PIK3AP1: variants seen among roughly 807,000 people sequenced by gnomAD.
The protein encoded by PIK3AP1 is phosphoinositide-3-kinase adaptor protein 1.
Under a neutral mutation model 88.1 loss-of-function variants are expected in PIK3AP1, and 21 were observed. The ratio of observed to expected loss-of-function variants is 0.24; its 90% CI spans 0.17 to 0.34. PIK3AP1 has a LOEUF of 0.34. PIK3AP1 is among the 10% of genes least tolerant of loss of function. The pLI is 1.00. For synonymous variants in PIK3AP1, 398 were observed against 400.0 expected (o/e 1.00, Z 0.06); for missense variants, 828 against 1,035.7 (o/e 0.80, Z 2.75).
At chr10:96,608,731 C>T (rs1189071247) in intron 14 of PIK3AP1, among the ~76,000 whole-genome samples, 1 of 152,188 alleles carries the variant, frequency 6.6e-6, no homozygotes, top group Non-Finnish European at 1.5e-5. Context: ...AAGTATGTAT[C>T]AGATTCTCAA....
At chr10:96,693,968 G>T (rs1436056608) in intron 2 of PIK3AP1, among the ~76,000 whole-genome samples, 1 of 152,072 alleles carries the variant, frequency 6.6e-6, no homozygotes, top group East Asian at 1.9e-4. Flanking sequence ...AGTTAACCTG[G>T]GCTCTAGGAT....
intron 13 of PIK3AP1, among the ~76,000 whole-genome samples, chr10:96,616,363 C>G (rs992892596): frequency 6.6e-6 from 1 of 152,200 alleles, no homozygotes; most frequent in African/African-American, 2.4e-5. Flanking sequence ...TATCACCATC[C>G]TATTTGAGTG....
chr10:96,708,644 T>C (rs1486215521), intron 2 of PIK3AP1, among the ~76,000 whole-genome samples: 3 of 149,856 alleles, frequency 2.0e-5, no homozygotes, highest in African/African-American at 4.9e-5. Context: ...GTGATATGTG[T>C]CCATCCCAGA....
At chr10:96,595,851 A>G (rs1318731653) in intron 16 of PIK3AP1, among the ~76,000 whole-genome samples, 1 of 152,150 alleles carries the variant, frequency 6.6e-6, no homozygotes, top group Non-Finnish European at 1.5e-5. Context: ...AAAAATACCA[A>G]TTCCAAGGAT....
In PIK3AP1 at chr10:96,651,793, C is replaced by A. The variant is rs536656661; in HGVS notation, c.713-142G>T. On this transcript the variant is annotated intron_variant, in intron 4 of 16. Transcript: ENST00000339364. ...GAAAGATCTTGGAGGTGAGCTGGGG[C>A]GGGAGTGAGGGAAAGGGTGGAGGTA... 9.1e-6 allele frequency: 9 copies of A among 990,202 alleles called. No homozygotes were observed. The African/African-American group carries it at 1.1e-4, about 13-fold the overall frequency. 61.3% of individuals were successfully genotyped at this position (990,202 alleles called of 1,614,324 possible).
intron 14 of PIK3AP1, among the ~76,000 whole-genome samples, chr10:96,609,037 T>C (rs1488204803): frequency 1.3e-5 from 2 of 152,246 alleles, no homozygotes; most frequent in Non-Finnish European, 2.9e-5. Context: ...CTGTATTGTC[T>C]GTGCAATCAG....
intron 13 of PIK3AP1, among the ~76,000 whole-genome samples, chr10:96,611,424 C>T (rs936539297): frequency 1.3e-5 from 2 of 152,028 alleles, no homozygotes; most frequent in African/African-American, 2.4e-5. Context: ...AGAGACCAAA[C>T]GAGTGTCAGT....
intron 8 of PIK3AP1, among the ~76,000 whole-genome samples, chr10:96,634,809 G>A (rs1230414598): frequency 1.3e-5 from 2 of 152,146 alleles, no homozygotes; most frequent in Admixed American, 6.5e-5. Flanking sequence ...GTCTGAAATA[G>A]GTCTCACTGG....
chr10:96,644,220 T>A (rs977623426), intron 8 of PIK3AP1, among the ~76,000 whole-genome samples: 1 of 152,236 alleles, frequency 6.6e-6, no homozygotes, highest in Non-Finnish European at 1.5e-5. Context: ...GACATCCTGC[T>A]ATGTGTGGGA....
At position 96,652,723 on chromosome 10, in the gene PIK3AP1, C is replaced by T. The variant is rs369307312; in HGVS notation, c.687G>A (p.Glu229=). The part of the protein sequence containing the change: ...SVRMEAKVEN[E]YTISVKAPNL... ...TGGGAGCCTTCACTGAAATGGTGTA[C>T]TCATTCTCCACCTTGGCTTCCATCC... is the stretch of plus-strand genomic sequence containing the variant. Residue 229 remains glutamate, a synonymous_variant, in exon 4 of 17, where the codon GAG becomes GAA. Transcript: ENST00000339364. 6.2e-7 allele frequency: 1 copy of T among 1,614,156 alleles called. No individual in the cohort carries two copies. The highest frequency in any genetic ancestry group is 8.5e-7 in the Non-Finnish European group (1 of 1,180,000).
At chr10:96,676,775 A>G (rs1364264039) in intron 2 of PIK3AP1, among the ~76,000 whole-genome samples, 2 of 151,532 alleles carry the variant, frequency 1.3e-5, no homozygotes, top group Non-Finnish European at 1.5e-5. Context: ...GTCAAGTTGT[A>G]TCTTCCAGAA....
chr10:96,660,983 G>A (rs576974200), intron 2 of PIK3AP1, among the ~76,000 whole-genome samples: 75 of 152,192 alleles, frequency 4.9e-4, no homozygotes, highest in African/African-American at 1.8e-3. Flanking sequence ...TCAGGAGTTC[G>A]AGACCAGCCT....
intron 2 of PIK3AP1, among the ~76,000 whole-genome samples, chr10:96,707,514 C>G (rs1192836537): frequency 6.6e-6 from 1 of 152,148 alleles, no homozygotes; most frequent in African/African-American, 2.4e-5. Context: ...AGGCTGGTCT[C>G]TAACTCCTGA....
chr10:96,690,149 A>G (rs1221810666), intron 2 of PIK3AP1, among the ~76,000 whole-genome samples: 1 of 152,224 alleles, frequency 6.6e-6, no homozygotes, highest in East Asian at 1.9e-4. Context: ...CTTTAGGAAG[A>G]CAGCAAAGTA....
intron 8 of PIK3AP1, among the ~76,000 whole-genome samples, chr10:96,637,716 GA>G (rs1843331886): frequency 1.3e-5 from 2 of 152,138 alleles, no homozygotes; most frequent in South Asian, 4.1e-4. Context: ...GGTGTTTCCA[GA>G]AAAGGAGCAT....
At chr10:96,702,777 T>G (rs1432498459) in intron 2 of PIK3AP1, among the ~76,000 whole-genome samples, 2 of 152,212 alleles carry the variant, frequency 1.3e-5, no homozygotes, top group African/African-American at 4.8e-5. Flanking sequence ...CAAGTATACC[T>G]CAATAAAACT....
chr10:96,630,615 G>A (rs757026528), intron 8 of PIK3AP1, among the ~76,000 whole-genome samples: 17 of 151,898 alleles, frequency 1.1e-4, no homozygotes, highest in Non-Finnish European at 1.9e-4. Flanking sequence ...CAGGAAGATC[G>A]CTTGAGCCCA....
chr10:96,602,471 C>T, intron 15 of PIK3AP1, 73 bp from the exon 16 acceptor site: 2 of 1,328,078 alleles, frequency 1.5e-6, no homozygotes, highest in Admixed American at 3.5e-5. Context: ...AACCGTAACT[C>T]AAAAGCCCCT....
intron 2 of PIK3AP1, among the ~76,000 whole-genome samples, chr10:96,688,573 T>C (rs1251017016): frequency 6.6e-6 from 1 of 152,062 alleles, no homozygotes; most frequent in Non-Finnish European, 1.5e-5. Context: ...CCGAGGCAGG[T>C]GGATTACTTG....
Sources: gnomAD v4.1 joint callset for allele counts (sites outside exome capture counted in the v4.1 genomes callset) on GRCh38, gnomAD v4.1.1 for gene constraint, MANE v1.5 for transcripts, NCBI Gene and HGNC (gene_info 2026-07-23, HGNC 2026-07-21) for gene names.